ARID5B: variants seen among roughly 807,000 people sequenced by gnomAD.
ARID5B encodes AT-rich interactive domain-containing protein 5B.
A neutral mutation model predicts 97.2 loss-of-function variants in ARID5B; 13 were observed. That is an observed-to-expected ratio of 0.13 (90% confidence interval 0.09 to 0.21). The LOEUF is 0.21. ARID5B is among the 10% of genes least tolerant of loss of function. The pLI, the probability that ARID5B is intolerant of heterozygous loss-of-function variation, is 1.00. For synonymous variants in ARID5B, 556 were observed against 570.3 expected, an observed-to-expected ratio of 0.97 and a Z score of 0.36; for missense variants, 1,210 against 1,465.3, an observed-to-expected ratio of 0.83 and a Z score of 2.84.
chr10:61,904,234 ATTATTCAGTGTT>A (rs1461537726), intron 2 of ARID5B, among the ~76,000 whole-genome samples: 1 of 152,092 alleles, frequency 6.6e-6, no homozygotes, highest in Non-Finnish European at 1.5e-5. Flanking sequence ...CCAGGAGGAA[ATTATTCAGTGTT>A]TTATGGGATA....
At chr10:61,996,147 T>C (rs1838992240) in intron 3 of ARID5B, among the ~76,000 whole-genome samples, 1 of 152,198 alleles carries the variant, frequency 6.6e-6, no homozygotes, top group Non-Finnish European at 1.5e-5. Context: ...TTAATGTACA[T>C]GAATGATGTA....
intron 3 of ARID5B, among the ~76,000 whole-genome samples, chr10:61,946,015 T>C (rs1024451504): frequency 1.3e-4 from 20 of 148,268 alleles, no homozygotes; most frequent in Non-Finnish European, 1.8e-4. Context: ...TATATTTATT[T>C]CAAATAATAA....
At chr10:61,901,908 A>T (rs1321702532) in intron 1 of ARID5B, among the ~76,000 whole-genome samples, 178 bp downstream of exon 1, 1 of 151,298 alleles carries the variant, frequency 6.6e-6, no homozygotes, top group East Asian at 1.9e-4. Flanking sequence ...CTGATCATAC[A>T]TACATAATGT....
At chr10:62,055,678 C>G (rs932611286) in intron 5 of ARID5B, among the ~76,000 whole-genome samples, 1 of 152,120 alleles carries the variant, frequency 6.6e-6, no homozygotes, top group African/African-American at 2.4e-5. Context: ...TTTCCATAGC[C>G]CCTTAAAAGT....
intron 2 of ARID5B, among the ~76,000 whole-genome samples, chr10:61,923,195 G>A (rs1486327308): frequency 6.6e-6 from 1 of 152,082 alleles, no homozygotes; most frequent in Admixed American, 6.6e-5. Flanking sequence ...TCTCCCAGTG[G>A]CTTCACGTGT....
At chr10:62,058,539 CAT>C (rs1432692942) in intron 6 of ARID5B, among the ~76,000 whole-genome samples, 2 of 152,134 alleles carry the variant, frequency 1.3e-5, no homozygotes, top group African/African-American at 2.4e-5. Context: ...ACAGCATAAA[CAT>C]ATACAAACTC....
chr10:62,054,158 G>A (rs528533063), intron 5 of ARID5B, among the ~76,000 whole-genome samples: 1 of 152,226 alleles, frequency 6.6e-6, no homozygotes, highest in South Asian at 2.1e-4. Flanking sequence ...ACAGGTGTAT[G>A]GTGTTCAGGT....
chr10:61,957,060 A>G (rs962947838), intron 3 of ARID5B, among the ~76,000 whole-genome samples: 4 of 152,166 alleles, frequency 2.6e-5, no homozygotes, highest in Non-Finnish European at 5.9e-5. Flanking sequence ...ACAGGAACTT[A>G]CTATGTGCAT....
rs557958693 is a variant in ARID5B at position 62,083,813 on chromosome 10, G to A, written c.1200-1889G>A. 2.6e-5 allele frequency among the ~76,000 whole-genome samples: 4 copies of A among 152,310 alleles called. No homozygotes were observed. The South Asian group carries it at 8.3e-4, about 32-fold the overall frequency. On this transcript the variant is annotated intron_variant, in intron 8 of 9. Coordinates refer to ENST00000279873, the MANE Select transcript of ARID5B (RefSeq NM_032199.3). ...ATCCACAACCTGCCAATATTGAAGAGGATAAAGTCCCTGGCAGAACCAGGC... is the reference window on the plus strand; with the variant it reads ...ATCCACAACCTGCCAATATTGAAGAAGATAAAGTCCCTGGCAGAACCAGGC...
At chr10:61,930,398 G>A (rs115654585) in intron 2 of ARID5B, among the ~76,000 whole-genome samples, 1 of 152,118 alleles carries the variant, frequency 6.6e-6, no homozygotes, top group Non-Finnish European at 1.5e-5. Flanking sequence ...TAGAACAAGA[G>A]CAGGCATGCT....
chr10:61,992,018 G>A (rs1838932234), intron 3 of ARID5B, among the ~76,000 whole-genome samples: 2 of 151,452 alleles, frequency 1.3e-5, no homozygotes, highest in Admixed American at 1.3e-4. Context: ...GGCAACAATA[G>A]CGAAACTCTG....
At chr10:62,014,120 A>C (rs1839254067) in intron 4 of ARID5B, among the ~76,000 whole-genome samples, 1 of 152,314 alleles carries the variant, frequency 6.6e-6, no homozygotes, top group African/African-American at 2.4e-5. Flanking sequence ...CTATATACCC[A>C]ATAGTGGGAT....
rs537232682 is a variant in ARID5B, at chr10:61,989,443, A to C, written c.503-10648A>C. On this transcript the variant is annotated intron_variant, in intron 3 of 9. Coordinates refer to ENST00000279873, the MANE Select transcript of ARID5B (RefSeq NM_032199.3). The stretch of plus-strand genomic sequence containing the variant: ...TATTCCTTTGCCCAGTTTTAAGTGG[A>C]CATCTACATTTTTAATCATGTTTTG... Among the ~76,000 whole-genome samples, 7 of 152,318 alleles carry C rather than the reference A, an allele frequency of 4.6e-5. No individual in the cohort carries two copies. The South Asian group carries it at 1.4e-3, about 32-fold the overall frequency.
intron 3 of ARID5B, among the ~76,000 whole-genome samples, chr10:61,952,133 G>C (rs1357604123): frequency 6.6e-6 from 1 of 152,012 alleles, no homozygotes; most frequent in Non-Finnish European, 1.5e-5. Flanking sequence ...CTTTGCCCTA[G>C]CCTAACTAGT....
chr10:62,009,712 G>A (rs1256035729), intron 4 of ARID5B, among the ~76,000 whole-genome samples: 1 of 152,194 alleles, frequency 6.6e-6, no homozygotes, highest in Non-Finnish European at 1.5e-5. Flanking sequence ...ATCTGCCAAA[G>A]CTTTGTCCAT....
At chr10:61,964,983 G>A (rs1254478634) in intron 3 of ARID5B, among the ~76,000 whole-genome samples, 1 of 152,144 alleles carries the variant, frequency 6.6e-6, no homozygotes, top group African/African-American at 2.4e-5. Context: ...AGAAATATAA[G>A]CCTAGATATA....
At chr10:62,016,417 G>A (rs1323490142) in intron 4 of ARID5B, among the ~76,000 whole-genome samples, 1 of 152,286 alleles carries the variant, frequency 6.6e-6, no homozygotes. Flanking sequence ...AAAAAGCACT[G>A]CTGATTAACA....
intron 3 of ARID5B, among the ~76,000 whole-genome samples, chr10:61,949,936 A>G (rs545106586): frequency 6.6e-6 from 1 of 152,158 alleles, no homozygotes; most frequent in African/African-American, 2.4e-5. Context: ...CCAAACTTAG[A>G]CCAGTAATTC....
intron 4 of ARID5B, among the ~76,000 whole-genome samples, chr10:62,042,784 G>A (rs1463269884): frequency 5.9e-5 from 9 of 151,904 alleles, no homozygotes; most frequent in Admixed American, 2.6e-4. Flanking sequence ...GCTTGGTGGC[G>A]GGCGCCTGTA....
Sources: gnomAD v4.1 joint callset for allele counts (sites outside exome capture counted in the v4.1 genomes callset) on GRCh38, gnomAD v4.1.1 for gene constraint, MANE v1.5 for transcripts, NCBI Gene and HGNC (gene_info 2026-07-23, HGNC 2026-07-21) for gene names.